Variants in SPG11 observed in about 807,000 individuals in gnomAD.
SPG11 encodes the protein spatacsin.
In SPG11, 222 loss-of-function variants were observed where a neutral mutation model predicts 274.0. The ratio of observed to expected loss-of-function variants is 0.81; its 90% CI spans 0.73 to 0.91. SPG11 has a LOEUF of 0.91. Ranked by LOEUF, SPG11 falls within the 40% of genes least tolerant of loss-of-function variation. SPG11 has a pLI of 0.00. For synonymous variants in SPG11, 1,144 were observed against 1,039.7 expected, an observed-to-expected ratio of 1.10 and a Z score of -1.93; for missense variants, 3,114 against 2,872.7, an observed-to-expected ratio of 1.08 and a Z score of -1.92.
intron 7 of SPG11, among the ~76,000 whole-genome samples, chr15:44,639,642 C>A (rs1395994170): frequency 6.6e-6 from 1 of 151,646 alleles, no homozygotes; most frequent in Non-Finnish European, 1.5e-5. Flanking sequence ...GCGGAGGCTG[C>A]AGTGAGCCAG....
chr15:44,592,255 TA>T, intron 27 of SPG11, 75 bp downstream of exon 27: 1 of 897,890 alleles, frequency 1.1e-6, no homozygotes, highest in Non-Finnish European at 1.9e-6. Flanking sequence ...ACCAAGTCTT[TA>T]AACAAAAACA....
intron 34 of SPG11, 107 bp downstream of exon 34, chr15:44,570,418 T>C (rs1260231474): frequency 2.1e-6 from 3 of 1,420,474 alleles, no homozygotes; most frequent in Non-Finnish European, 1.9e-6. Flanking sequence ...GGTATCCAGA[T>C]GGGCAGAACC....
At chr15:44,637,221 G>C (rs897034386) in intron 7 of SPG11, among the ~76,000 whole-genome samples, 1 of 152,154 alleles carries the variant, frequency 6.6e-6, no homozygotes, top group Non-Finnish European at 1.5e-5. Context: ...ATGTACCAAC[G>C]TCTCATAGTG....
At chr15:44,607,682 T>C (rs1264956598) in intron 19 of SPG11, among the ~76,000 whole-genome samples, 1 of 152,226 alleles carries the variant, frequency 6.6e-6, no homozygotes, top group Non-Finnish European at 1.5e-5. Context: ...AAGGTGTTCT[T>C]AACCGAGGAT....
intron 39 of SPG11, among the ~76,000 whole-genome samples, chr15:44,564,121 T>A (rs1423666210): frequency 6.6e-6 from 1 of 152,080 alleles, no homozygotes; most frequent in African/African-American, 2.4e-5. Context: ...GCCTCCCGAG[T>A]AGCTGGGACT....
At chr15:44,604,989 A>G (rs1276124013) in intron 20 of SPG11, among the ~76,000 whole-genome samples, 2 of 147,060 alleles carry the variant, frequency 1.4e-5, no homozygotes, top group Non-Finnish European at 3.0e-5. Context: ...AGTTTCATTT[A>G]CTTTGTGCTT....
At chr15:44,595,176 G>A in intron 26 of SPG11, 83 bp downstream of exon 26, 1 of 1,379,202 alleles carries the variant, frequency 7.3e-7, no homozygotes, top group South Asian at 1.2e-5. Flanking sequence ...AAAAATCCAG[G>A]GATGGAAATA....
chr15:44,615,144 T>C (rs2083560695), intron 16 of SPG11, among the ~76,000 whole-genome samples: 1 of 152,232 alleles, frequency 6.6e-6, no homozygotes, highest in South Asian at 2.1e-4. Context: ...TTAACAGAGA[T>C]ACTACAGAAT....
At chr15:44,615,012 G>A (rs185695234) in intron 16 of SPG11, among the ~76,000 whole-genome samples, 1 of 152,142 alleles carries the variant, frequency 6.6e-6, no homozygotes, top group Admixed American at 6.5e-5. Context: ...AATCAAAGTT[G>A]CTTAGCATTC....
At chr15:44,656,120 T>C (rs932835626) in intron 4 of SPG11, among the ~76,000 whole-genome samples, 1 of 151,890 alleles carries the variant, frequency 6.6e-6, no homozygotes, top group Non-Finnish European at 1.5e-5. Context: ...CCAAGAAAAG[T>C]TGGGAATAAA....
At chr15:44,564,493 T>A (rs2082269299) in intron 39 of SPG11, 54 bp downstream of exon 39, 2 of 1,592,100 alleles carry the variant, frequency 1.3e-6, no homozygotes, top group African/African-American at 2.7e-5. Context: ...TACACTTGTC[T>A]CACCTCAAAG....
At position 44,567,524 on chromosome 15, in the gene SPG11, G is replaced by C; in HGVS notation, c.6654C>G (p.His2218Gln). ...KRCRPGDSEK[H>Q]NMIALCFSMC... is the part of the protein sequence containing the mutation. ...TGCTGAAGCACAGGGCAATCATATT[G>C]TGCTTTTCACTGTCTCCAGGACGGC... Residue 2218 changes from histidine (H) to glutamine (Q), a missense_variant, in exon 36 of 40, where the codon CAC becomes CAG. His to Gln is a conservative substitution (Grantham distance 24). Coordinates refer to ENST00000261866, the MANE Select transcript of SPG11 (RefSeq NM_025137.4). 1 of 1,614,012 alleles carries C rather than the reference G, an allele frequency of 6.2e-7. No individual in the cohort carries two copies. The highest frequency in any genetic ancestry group is 8.5e-7 in the Non-Finnish European group (1 of 1,180,004).
chr15:44,587,706 A>AAAAAAAAAAAAAAAAAAC (rs2082800115), intron 28 of SPG11, among the ~76,000 whole-genome samples: 1 of 150,892 alleles, frequency 6.6e-6, no homozygotes, highest in African/African-American at 2.4e-5. Flanking sequence ...AAAAAAAAAA[A>AAAAAAAAAAAAAAAAAAC]AAAAAAAAAA....
At chr15:44,621,623 G>A (rs1400247717) in intron 14 of SPG11, 136 bp downstream of exon 14, 5 of 834,728 alleles carry the variant, frequency 6.0e-6, no homozygotes, top group East Asian at 2.7e-5. Context: ...TTAATGCAAC[G>A]ACTTGCATTT....
In SPG11 at chr15:44,652,116, G is replaced by C. The variant is rs763029576; in HGVS notation, c.1007+13C>G. 5.6e-6 allele frequency: 9 copies of C among 1,614,072 alleles called. No individual in the cohort carries two copies. In the South Asian group the frequency reaches 9.9e-5, roughly 18 times the overall value. On this transcript the variant is annotated intron_variant, in intron 5 of 39. Coordinates refer to ENST00000261866, the MANE Select transcript of SPG11 (RefSeq NM_025137.4). ...TAAGAACAATAAACTACATGAAAAG[G>C]AAGTTTCTGTACCTATCAATTTGGA... is the stretch of plus-strand genomic sequence containing the variant.
At chr15:44,564,050 G>T (rs1477976299) in intron 39 of SPG11, among the ~76,000 whole-genome samples, 1 of 152,116 alleles carries the variant, frequency 6.6e-6, no homozygotes, top group Non-Finnish European at 1.5e-5. Context: ...CTGGAGTATA[G>T]TGGCACGATC....
At chr15:44,617,557 C>T (rs1408553384) in intron 15 of SPG11, among the ~76,000 whole-genome samples, 1 of 152,212 alleles carries the variant, frequency 6.6e-6, no homozygotes, top group Non-Finnish European at 1.5e-5. Flanking sequence ...TTTCTAGGCT[C>T]ACACTTCTGT....
Position 44,606,099 on chromosome 15 carries a change from A to G in SPG11, c.3454-8T>C. 1 of 1,612,076 alleles carries G rather than the reference A, an allele frequency of 6.2e-7. No homozygotes were observed. The highest frequency in any genetic ancestry group is 1.3e-5 in the African/African-American group (1 of 74,996). On this transcript the variant is annotated splice_polypyrimidine_tract_variant and splice_region_variant and intron_variant, in intron 19 of 39. Coordinates refer to ENST00000261866, the MANE Select transcript of SPG11 (RefSeq NM_025137.4). ...ATCAAAGGGTGATAATGACTGAAAA[A>G]GGGGAAAAGTTAAACAGAATTAGAA...
intron 28 of SPG11, among the ~76,000 whole-genome samples, chr15:44,586,733 A>G (rs2082773609): frequency 6.6e-6 from 1 of 152,218 alleles, no homozygotes; most frequent in East Asian, 1.9e-4. Flanking sequence ...GTGGCCTTCA[A>G]TGTAGTAGAA....
Sources: gnomAD v4.1 joint callset for allele counts (sites outside exome capture counted in the v4.1 genomes callset) on GRCh38, gnomAD v4.1.1 for gene constraint, MANE v1.5 for transcripts, NCBI Gene and HGNC (gene_info 2026-07-23, HGNC 2026-07-21) for gene names.